Variants in FSTL4 observed in about 807,000 individuals in gnomAD.
FSTL4 encodes the protein follistatin-related protein 4.
In FSTL4, 28 loss-of-function variants were observed where a neutral mutation model predicts 78.2. The ratio of observed to expected loss-of-function variants is 0.36; its 90% CI spans 0.27 to 0.49. FSTL4 has a LOEUF of 0.49. Ranked by LOEUF, FSTL4 falls within the 20% of genes least tolerant of loss-of-function variation. The pLI is 0.98. For missense variants in FSTL4, 922 were observed against 1,084.9 expected (o/e 0.85, Z 2.11); for synonymous variants, 422 against 440.5 (o/e 0.96, Z 0.53).
At chr5:133,278,033 A>G (rs75821531) in intron 6 of FSTL4, among the ~76,000 whole-genome samples, 330 of 152,248 alleles carry the variant, frequency 2.2e-3, no homozygotes, top group African/African-American at 7.7e-3. Context: ...GGGTGAGCCT[A>G]ATTCACAGGT....
intron 3 of FSTL4, among the ~76,000 whole-genome samples, chr5:133,466,142 AG>A (rs1561727860): frequency 6.6e-6 from 1 of 152,142 alleles, no homozygotes; most frequent in African/African-American, 2.4e-5. Flanking sequence ...ATGGGAAAGG[AG>A]GGGGCAGGGT....
the FSTL4 span, among the ~76,000 whole-genome samples, chr5:133,717,860 T>C: frequency 6.6e-6 from 1 of 152,240 alleles, no homozygotes; most frequent in Non-Finnish European, 1.5e-5. Flanking sequence ...TTTTTAACTA[T>C]GAATAAAGCT....
intron 4 of FSTL4, among the ~76,000 whole-genome samples, chr5:133,383,025 A>G (rs995285674): frequency 1.3e-4 from 20 of 152,156 alleles, no homozygotes; most frequent in Admixed American, 1.3e-4. Flanking sequence ...GCGTGCCCAC[A>G]TGGACTTTAC....
At chr5:133,821,942 G>A in the FSTL4 span, among the ~76,000 whole-genome samples, 1 of 152,230 alleles carries the variant, frequency 6.6e-6, no homozygotes, top group East Asian at 1.9e-4. Context: ...GCCCAACGGG[G>A]GCACAGTGAG....
the FSTL4 span, among the ~76,000 whole-genome samples, chr5:133,622,206 T>C: frequency 3.3e-5 from 5 of 152,242 alleles, no homozygotes; most frequent in Admixed American, 6.5e-5. Context: ...TTGAGAATCA[T>C]ACAAGTTGTT....
the FSTL4 span, among the ~76,000 whole-genome samples, chr5:133,708,876 G>A: frequency 6.6e-4 from 100 of 152,240 alleles, no homozygotes; most frequent in African/African-American, 2.0e-3. Context: ...TAGGAGAGCC[G>A]GTGAAGTCTA....
At chr5:133,633,380 C>T in the FSTL4 span, among the ~76,000 whole-genome samples, 2 of 152,128 alleles carry the variant, frequency 1.3e-5, no homozygotes, top group Non-Finnish European at 2.9e-5. Flanking sequence ...TAATTATTTC[C>T]TCTGTCCCCT....
At position 133,362,763 on chromosome 5, in the gene FSTL4, G is replaced by A. The variant is rs140762444; in HGVS notation, c.409+37975C>T. On this transcript the variant is annotated intron_variant, in intron 4 of 15. Coordinates refer to ENST00000265342, the MANE Select transcript of FSTL4 (RefSeq NM_015082.2). ...CTTCCAGGCCTGGCCCCTGCTCTCCGGGAACTCCTTCCCATAGTCTCAGCA... is the reference window on the plus strand; with the variant it reads ...CTTCCAGGCCTGGCCCCTGCTCTCCAGGAACTCCTTCCCATAGTCTCAGCA... 8.9e-4 allele frequency among the ~76,000 whole-genome samples: 136 copies of A among 152,308 alleles called. 1 individual carries two copies. Among genetic ancestry groups the A allele is most frequent in the African/African-American group, 2.9e-3 (121 of 41,568 alleles).
chr5:133,670,462 A>G, the FSTL4 span, among the ~76,000 whole-genome samples: 1 of 152,226 alleles, frequency 6.6e-6, no homozygotes, highest in Non-Finnish European at 1.5e-5. Flanking sequence ...GACACACTGG[A>G]CTGGGGCATC....
chr5:133,304,974 G>A (rs1395612491), intron 6 of FSTL4, among the ~76,000 whole-genome samples: 1 of 152,342 alleles, frequency 6.6e-6, no homozygotes, highest in South Asian at 2.1e-4. Flanking sequence ...GCAGGGGCAG[G>A]TGGAGGCAGA....
chr5:133,639,101 C>T, the FSTL4 span, among the ~76,000 whole-genome samples: 3 of 152,074 alleles, frequency 2.0e-5, no homozygotes, highest in Admixed American at 6.6e-5. Flanking sequence ...CATATGCATT[C>T]GGTATTTGTA....
At chr5:133,768,214 G>T in the FSTL4 span, among the ~76,000 whole-genome samples, 6 of 152,134 alleles carry the variant, frequency 3.9e-5, no homozygotes, top group Non-Finnish European at 7.4e-5. Context: ...AGTGTACCCG[G>T]AGTTGTGACG....
At chr5:133,561,666 T>C (rs1472431040) in intron 3 of FSTL4, among the ~76,000 whole-genome samples, 1 of 152,180 alleles carries the variant, frequency 6.6e-6, no homozygotes, top group Non-Finnish European at 1.5e-5. Flanking sequence ...TGCAGCTTCA[T>C]AGGCCTTTCA....
At chr5:133,546,784 C>A (rs1759583114) in intron 3 of FSTL4, among the ~76,000 whole-genome samples, 1 of 152,182 alleles carries the variant, frequency 6.6e-6, no homozygotes, top group Non-Finnish European at 1.5e-5. Flanking sequence ...CTGTTCCCCA[C>A]ATTCCAGCGT....
In FSTL4 at chr5:133,225,406, C is replaced by T. The variant is rs77393926; in HGVS notation, c.1178-122G>A. 59,974 of 1,204,850 alleles carry T rather than the reference C, an allele frequency of 0.05. 1,761 individuals carry two copies. Among genetic ancestry groups the T allele is most frequent in the South Asian group, 0.061 (4,440 of 73,162 alleles). The allele number at this position is 1,204,850 out of a possible 1,614,324, so 74.6% of individuals were successfully genotyped here. ...TGGGCAGCCAGCAGCCCTGATTATA[C>T]GCCCAGGAAGGGCTGGCACATCTGA... On this transcript the variant is annotated intron_variant, in intron 9 of 15. Transcript: ENST00000265342. The surrounding 1 kb of genome is among the most constrained non-coding windows in gnomAD (Gnocchi z 4.6).
intron 4 of FSTL4, among the ~76,000 whole-genome samples, chr5:133,345,335 T>C (rs986304049): frequency 1.3e-5 from 2 of 152,166 alleles, no homozygotes; most frequent in South Asian, 4.1e-4. Flanking sequence ...CTTTGTCAGA[T>C]GGGTAGATTG....
chr5:133,221,891 GTTTTTTTTTTTTTTTTTTTTTTTT>G (rs59400068), intron 11 of FSTL4, among the ~76,000 whole-genome samples: 2 of 43,360 alleles, frequency 4.6e-5, no homozygotes, highest in East Asian at 1.5e-3. Flanking sequence ...CTCTTTTCTA[GTTTTTTTTTTTTTTTTTTTTTTTT>G]TTTTTTTTTT....
At chr5:133,823,812 C>G in the FSTL4 span, among the ~76,000 whole-genome samples, 1 of 152,186 alleles carries the variant, frequency 6.6e-6, no homozygotes, top group South Asian at 2.1e-4. Context: ...ATGCCCCCTC[C>G]AAAGCCAGCC....
the FSTL4 span, among the ~76,000 whole-genome samples, chr5:133,677,699 G>A: frequency 6.6e-6 from 1 of 152,154 alleles, no homozygotes; most frequent in Non-Finnish European, 1.5e-5. Context: ...ATTTAAATCT[G>A]GAATCTGCCG....
Sources: gnomAD v4.1 joint callset for allele counts (sites outside exome capture counted in the v4.1 genomes callset) on GRCh38, gnomAD v4.1.1 for gene constraint, Gnocchi (gnomAD v3.1) non-coding constraint, MANE v1.5 for transcripts, NCBI Gene and HGNC (gene_info 2026-07-23, HGNC 2026-07-21) for gene names.